CTNND2: variants seen among roughly 807,000 people sequenced by gnomAD.
CTNND2 encodes catenin delta-2.
CTNND2 carries 22 observed loss-of-function variants against 144.4 expected under a neutral mutation model. The observed-to-expected ratio is 0.15, with a 90% CI of 0.11 to 0.22. CTNND2 has a LOEUF of 0.22. Among genes scored for constraint, CTNND2 ranks in the 10% least tolerant of loss-of-function variants. CTNND2 has a pLI of 1.00. For missense variants in CTNND2, 1,353 were observed against 1,618.8 expected, an observed-to-expected ratio of 0.84 and a Z score of 2.82; for synonymous variants, 751 against 695.6, an observed-to-expected ratio of 1.08 and a Z score of -1.25.
intron 1 of CTNND2, among the ~76,000 whole-genome samples, chr5:11,787,225 A>T (rs1189887074): frequency 6.6e-6 from 1 of 152,230 alleles, no homozygotes; most frequent in Non-Finnish European, 1.5e-5. Flanking sequence ...CTGAACAACT[A>T]GAGCTAAGCA....
In CTNND2 at chr5:11,197,359, T is replaced by C. The variant is rs73742372; in HGVS notation, c.1975+2089A>G. Among the ~76,000 whole-genome samples, 293 of 152,350 alleles carry C rather than the reference T, an allele frequency of 1.9e-3. 3 individuals are homozygous for C. Among genetic ancestry groups the C allele is most frequent in the African/African-American group, 6.6e-3 (275 of 41,574 alleles). On this transcript the variant is annotated intron_variant, in intron 11 of 21. Coordinates refer to ENST00000304623, the MANE Select transcript of CTNND2 (RefSeq NM_001332.4). ...CACTGTCCATCTTAACGGATGTGGC[T>C]ATCACGGCAAAAGACAGCATTTCGT...
intron 12 of CTNND2, among the ~76,000 whole-genome samples, chr5:11,129,026 A>ATATATATTATATATAATATAT (rs1755124835): frequency 4.3e-5 from 1 of 23,142 alleles, no homozygotes; most frequent in Non-Finnish European, 9.2e-5. Flanking sequence ...ATATAAATAA[A>ATATATATTATATATAATATAT]AAATATAAAT....
intron 2 of CTNND2, among the ~76,000 whole-genome samples, chr5:11,656,643 C>G (rs1011171572): frequency 1.3e-5 from 2 of 152,060 alleles, no homozygotes; most frequent in African/African-American, 4.8e-5. Context: ...AACTCATTGA[C>G]AGGAAAGTCT....
At chr5:11,447,369 A>T (rs1764913355) in intron 3 of CTNND2, among the ~76,000 whole-genome samples, 1 of 152,034 alleles carries the variant, frequency 6.6e-6, no homozygotes, top group African/African-American at 2.4e-5. Context: ...AAACAAACAA[A>T]CAAAAAACAC....
chr5:11,557,891 G>A (rs943132462), intron 3 of CTNND2, among the ~76,000 whole-genome samples: 5 of 152,132 alleles, frequency 3.3e-5, no homozygotes, highest in Admixed American at 1.3e-4. Flanking sequence ...TACACATTTG[G>A]AATCTCTTGA....
chr5:11,092,105 C>A (rs1431190136), intron 15 of CTNND2, among the ~76,000 whole-genome samples: 1 of 152,160 alleles, frequency 6.6e-6, no homozygotes, highest in Non-Finnish European at 1.5e-5. Flanking sequence ...TGAGCTGAGA[C>A]AATCAGAGGA....
At chr5:11,073,528 G>A (rs1355863379) in intron 16 of CTNND2, among the ~76,000 whole-genome samples, 2 of 152,184 alleles carry the variant, frequency 1.3e-5, no homozygotes, top group African/African-American at 4.8e-5. Context: ...GTATTTCCAA[G>A]GGACAAATCA....
intron 12 of CTNND2, among the ~76,000 whole-genome samples, chr5:11,131,952 T>G (rs1393774853): frequency 8.5e-6 from 1 of 117,170 alleles, no homozygotes; most frequent in Non-Finnish European, 1.8e-5. Flanking sequence ...AAAAGCTCAC[T>G]TATCTAGATG....
At chr5:11,266,529 G>A (rs564403385) in intron 9 of CTNND2, among the ~76,000 whole-genome samples, 137 of 152,304 alleles carry the variant, frequency 9.0e-4, no homozygotes, top group Middle Eastern at 3.4e-3. Context: ...ACAAATGCTA[G>A]AAGAATTCTC....
chr5:11,340,455 A>T (rs1476418558), intron 9 of CTNND2, among the ~76,000 whole-genome samples: 1 of 152,186 alleles, frequency 6.6e-6, no homozygotes, highest in Non-Finnish European at 1.5e-5. Flanking sequence ...TGCAGGCTCC[A>T]TCCTGGGGCC....
intron 1 of CTNND2, among the ~76,000 whole-genome samples, chr5:11,871,996 C>T (rs1735169364): frequency 6.6e-6 from 1 of 152,130 alleles, no homozygotes; most frequent in Non-Finnish European, 1.5e-5. Flanking sequence ...AACCTGTCAT[C>T]TACATTAGGT....
intron 14 of CTNND2, among the ~76,000 whole-genome samples, chr5:11,099,094 A>C (rs1358354964): frequency 6.6e-6 from 1 of 152,220 alleles, no homozygotes; most frequent in Non-Finnish European, 1.5e-5. Flanking sequence ...GTTTGGAAGA[A>C]GGATAAAGAT....
chr5:11,193,493 T>C (rs1244187379), intron 11 of CTNND2, among the ~76,000 whole-genome samples: 5 of 152,334 alleles, frequency 3.3e-5, no homozygotes, highest in South Asian at 2.1e-4. Flanking sequence ...GGTTGGACAA[T>C]GTACCTGGAC....
intron 12 of CTNND2, among the ~76,000 whole-genome samples, chr5:11,152,399 A>G (rs1208838609): frequency 6.6e-6 from 1 of 152,210 alleles, no homozygotes; most frequent in African/African-American, 2.4e-5. Context: ...TGTGCTATAC[A>G]GGCCTGTAAC....
intron 2 of CTNND2, among the ~76,000 whole-genome samples, chr5:11,597,954 A>G (rs1001067339): frequency 2.6e-5 from 4 of 152,204 alleles, no homozygotes; most frequent in African/African-American, 9.6e-5. Context: ...TAATGAGGAC[A>G]ACTCATTTCC....
In CTNND2 at chr5:11,470,954, G is replaced by GTATATA. The variant is rs71595821; in HGVS notation, c.288-58891_288-58886dup. On this transcript the variant is annotated intron_variant, in intron 3 of 21. Transcript: ENST00000304623. ...TACTTTAGCTATTATTTGATACAAA[G>GTATATA]TATATATATATATATATATATATAT... Among the ~76,000 whole-genome samples, 507 of 63,210 alleles carry GTATATA rather than the reference G, an allele frequency of 8.0e-3. 11 individuals are homozygous for GTATATA. The highest frequency in any genetic ancestry group is 0.013 in the Non-Finnish European group (383 of 30,586). 41.5% of individuals were successfully genotyped at this position (63,210 alleles called of 152,430 possible). A position where few individuals can be genotyped will look rare whatever the true frequency, so the allele number is the denominator to read the frequency against.
intron 1 of CTNND2, among the ~76,000 whole-genome samples, chr5:11,801,294 C>A (rs1791668778): frequency 1.3e-5 from 2 of 152,132 alleles, no homozygotes; most frequent in African/African-American, 4.8e-5. Context: ...CTCTTACTCA[C>A]CTAGGGTGAG....
intron 8 of CTNND2, among the ~76,000 whole-genome samples, chr5:11,357,065 T>C (rs1459007746): frequency 1.3e-5 from 2 of 152,086 alleles, no homozygotes; most frequent in Non-Finnish European, 2.9e-5. Context: ...GGTGCACTTA[T>C]ATACTGCTCA....
At chr5:11,599,222 A>G (rs552922895) in intron 2 of CTNND2, among the ~76,000 whole-genome samples, 2 of 152,158 alleles carry the variant, frequency 1.3e-5, no homozygotes, top group Non-Finnish European at 2.9e-5. Flanking sequence ...AAATCATAAC[A>G]CATCTAGAGC....
Sources: allele counts gnomAD v4.1 joint callset (sites outside exome capture counted in the v4.1 genomes callset), GRCh38; gene constraint gnomAD v4.1.1; transcripts MANE v1.5; gene names NCBI Gene and HGNC (gene_info 2026-07-23, HGNC 2026-07-21).